SLC22A3: variants seen among roughly 807,000 people sequenced by gnomAD.
The protein encoded by SLC22A3 is EMT organic cation transporter 3.
Under a neutral mutation model 59.1 loss-of-function variants are expected in SLC22A3, and 51 were observed. That is an observed-to-expected ratio of 0.86 (90% CI 0.69 to 1.09). The LOEUF (loss-of-function observed/expected upper bound fraction) is 1.09, where lower values mean the gene tolerates loss of function less well. Among genes scored for constraint, SLC22A3 ranks in the 50% least tolerant of loss-of-function variants. SLC22A3 has a pLI of 0.00. For synonymous variants in SLC22A3, 325 were observed against 292.0 expected (o/e 1.11, Z -1.15); for missense variants, 711 against 726.3 (o/e 0.98, Z 0.24).
intron 10 of SLC22A3, among the ~76,000 whole-genome samples, chr6:160,450,214 A>C (rs977914752): frequency 1.3e-5 from 2 of 152,210 alleles, no homozygotes; most frequent in African/African-American, 4.8e-5. Context: ...AGACTCTCCC[A>C]GTGCGACTGT....
rs1787423305 is a variant in SLC22A3, at chr6:160,415,075, A to C, written c.975+4229A>C. On this transcript the variant is annotated intron_variant, in intron 5 of 10. Transcript: ENST00000275300. The surrounding 1 kb of genome is among the most constrained non-coding windows in gnomAD (Gnocchi z 4.1). Reference sequence around the variant, plus strand: ...CTCCAAGGGAGCTTTGGTTTTTGAAACATATGTCTTCAAACCGAACCTACC... The same window carrying C: ...CTCCAAGGGAGCTTTGGTTTTTGAACCATATGTCTTCAAACCGAACCTACC... 6.6e-6 allele frequency among the ~76,000 whole-genome samples: 1 copy of C among 152,204 alleles called. No homozygotes were observed. The highest frequency in any genetic ancestry group is 1.5e-5 in the Non-Finnish European group (1 of 68,034).
At chr6:160,393,168 G>A (rs1047510426) in intron 1 of SLC22A3, among the ~76,000 whole-genome samples, 1 of 152,010 alleles carries the variant, frequency 6.6e-6, no homozygotes, top group Middle Eastern at 3.4e-3. Flanking sequence ...TGTTCAAGAG[G>A]GCTAACCTAG....
At position 160,451,059 on chromosome 6, in the gene SLC22A3, C is replaced by A; in HGVS notation, c.*3C>A. 1 of 1,589,188 alleles carries A rather than the reference C, an allele frequency of 6.3e-7. No individual in the cohort carries two copies. The highest frequency in any genetic ancestry group is 1.3e-5 in the African/African-American group (1 of 74,236). ...CAGTTTCCCGCTCTCACCTTTGAGG[C>A]CCCCGACAAAGACAGAAAGAAGGAG... On this transcript the variant is annotated 3_prime_UTR_variant, in exon 11 of 11. Transcript: ENST00000275300.
rs189054740 is a variant in SLC22A3, at chr6:160,447,605, G to A, written c.1511-114G>A. 1.4e-4 allele frequency: 114 copies of A among 839,956 alleles called. 1 individual carries two copies. In the East Asian group the frequency reaches 1.8e-3, roughly 14 times the overall value. 52.0% of individuals were successfully genotyped at this position (839,956 alleles called of 1,614,324 possible). A position where few individuals can be genotyped will look rare whatever the true frequency, so the allele number is the denominator to read the frequency against. On this transcript the variant is annotated intron_variant, in intron 9 of 10. Coordinates refer to ENST00000275300, the MANE Select transcript of SLC22A3 (RefSeq NM_021977.4). ...ATTGATCTGGGATGCAGAGGTTGCT[G>A]TGGTTGAGAGCTACTCCAGTGAGCA...
intron 1 of SLC22A3, among the ~76,000 whole-genome samples, chr6:160,354,659 A>G (rs897127838): frequency 2.0e-5 from 3 of 152,240 alleles, no homozygotes; most frequent in Non-Finnish European, 2.9e-5. Flanking sequence ...AAAATTTTTA[A>G]AAAATTGGCC....
At chr6:160,406,201 A>T (rs759382655) in intron 2 of SLC22A3, among the ~76,000 whole-genome samples, 22 of 152,140 alleles carry the variant, frequency 1.4e-4, no homozygotes, top group Non-Finnish European at 2.2e-4. Flanking sequence ...ACTAAAAAAA[A>T]TTTTAGATAA....
At chr6:160,367,328 G>A (rs1785240850) in intron 1 of SLC22A3, among the ~76,000 whole-genome samples, 2 of 152,164 alleles carry the variant, frequency 1.3e-5, no homozygotes, top group South Asian at 2.1e-4. Flanking sequence ...GAGAAGAGCA[G>A]CATGGAGGTA....
At chr6:160,447,676 CTG>C in intron 9 of SLC22A3, 41 bp from the exon 10 acceptor site, 2 of 1,552,418 alleles carry the variant, frequency 1.3e-6, no homozygotes, top group Non-Finnish European at 1.8e-6. Flanking sequence ...GAGGGCCCAG[CTG>C]TGTCTTCCTG....
rs760498690 is a variant in SLC22A3, at chr6:160,348,737, C to G, written c.318C>G (p.Ser106Arg). Residue 106 changes from serine (S) to arginine (R), a missense_variant, in exon 1 of 11, where the codon AGC (serine) becomes AGG (arginine). Physicochemically the swap from Ser to Arg is moderately radical, Grantham distance 110. Coordinates refer to ENST00000275300, the MANE Select transcript of SLC22A3 (RefSeq NM_021977.4). ...EAANDSASAT[S>R]ALSCADPLAA... is the part of the protein sequence containing the mutation. ...CCAACGACAGCGCCTCCGCCACTAG[C>G]GCTCTCAGCTGCGCGGACCCACTCG... 6.5e-7 allele frequency: 1 copy of G among 1,532,280 alleles called. No individual in the cohort carries two copies. Among genetic ancestry groups the G allele is most frequent in the South Asian group, 1.2e-5 (1 of 83,730 alleles). 94.9% of individuals were successfully genotyped at this position (1,532,280 alleles called of 1,614,324 possible). A position where few individuals can be genotyped will look rare whatever the true frequency, so the allele number is the denominator to read the frequency against.
intron 8 of SLC22A3, 21 bp downstream of exon 8, chr6:160,442,890 A>C: frequency 6.4e-7 from 1 of 1,560,674 alleles, no homozygotes; most frequent in Non-Finnish European, 8.8e-7. Flanking sequence ...CAAACGTTAT[A>C]GTTTCTCCTA....
chr6:160,384,396 C>A (rs954351761), intron 1 of SLC22A3, among the ~76,000 whole-genome samples: 1 of 152,170 alleles, frequency 6.6e-6, no homozygotes, highest in African/African-American at 2.4e-5. Flanking sequence ...TTAATTTTTA[C>A]TCAGAATGTG....
chr6:160,366,023 G>A (rs566036393), intron 1 of SLC22A3, among the ~76,000 whole-genome samples: 1 of 152,280 alleles, frequency 6.6e-6, no homozygotes, highest in Non-Finnish European at 1.5e-5. Flanking sequence ...GTTCCCCCAT[G>A]ACACATGGGG....
chr6:160,399,841 A>G (rs757131398), intron 2 of SLC22A3, among the ~76,000 whole-genome samples: 4 of 152,180 alleles, frequency 2.6e-5, no homozygotes, highest in Non-Finnish European at 5.9e-5. Context: ...TCTCAGATCC[A>G]TAAGAGAAGT....
At chr6:160,356,292 G>A (rs183115923) in intron 1 of SLC22A3, among the ~76,000 whole-genome samples, 1 of 152,326 alleles carries the variant, frequency 6.6e-6, no homozygotes, top group Non-Finnish European at 1.5e-5. Flanking sequence ...TCTGGAGCAG[G>A]AGGAAAACAG....
rs572100387 is a variant in SLC22A3 at position 160,442,676 on chromosome 6, C to T, written c.1289-85C>T. The stretch of plus-strand genomic sequence containing the variant: ...GGCAAAGACTTCAGACTGGAGGCCA[C>T]TAAGCAAATACTTTTTGTTGTTCTG... On this transcript the variant is annotated intron_variant, in intron 7 of 10. Coordinates refer to ENST00000275300, the MANE Select transcript of SLC22A3 (RefSeq NM_021977.4). The T allele has an allele frequency of 2.0e-5, 20 of 1,021,468 alleles. No individual in the cohort carries two copies. In the East Asian group the frequency reaches 4.7e-4, roughly 24 times the overall value. The allele number at this position is 1,021,468 out of a possible 1,614,324, so 63.3% of individuals were successfully genotyped here.
intron 1 of SLC22A3, among the ~76,000 whole-genome samples, chr6:160,395,774 T>C (rs1786446410): frequency 6.6e-6 from 1 of 152,206 alleles, no homozygotes; most frequent in African/African-American, 2.4e-5. Flanking sequence ...TACTACTGCC[T>C]CCAAATTTTT....
Position 160,437,030 on chromosome 6 carries a change from C to T in SLC22A3, c.1107C>T (p.Val369=). The part of the protein sequence containing the change: ...FTSAVVYQGL[V]MRLGIIGGNL... Reference sequence around the variant, plus strand: ...GCGCAGTGGTGTATCAAGGACTTGTCATGCGCCTGGGAATTATAGGGGGCA... The same window carrying T: ...GCGCAGTGGTGTATCAAGGACTTGTTATGCGCCTGGGAATTATAGGGGGCA... The change falls in exon 7 of 11, where the codon GTC becomes GTT. Residue 369 remains valine (V), a synonymous_variant. Coordinates refer to ENST00000275300, the MANE Select transcript of SLC22A3 (RefSeq NM_021977.4). 6.2e-7 allele frequency: 1 copy of T among 1,614,120 alleles called. No individual in the cohort carries two copies. The highest frequency in any genetic ancestry group is 8.5e-7 in the Non-Finnish European group (1 of 1,180,010).
chr6:160,381,461 G>A (rs1459849807), intron 1 of SLC22A3, among the ~76,000 whole-genome samples: 1 of 152,180 alleles, frequency 6.6e-6, no homozygotes, highest in Non-Finnish European at 1.5e-5. Flanking sequence ...GGAAAAGTGT[G>A]AGTTGGACAC....
rs998312904 is a variant in SLC22A3 at position 160,361,093 on chromosome 6, C to T, written c.429+12245C>T. On this transcript the variant is annotated intron_variant, in intron 1 of 10. Coordinates refer to ENST00000275300, the MANE Select transcript of SLC22A3 (RefSeq NM_021977.4). Reference sequence around the variant, plus strand: ...GTGAAAAGATCAGAGCACTTGGAGACTGACTCCACCCAGGGGAACATCATA... The same window carrying T: ...GTGAAAAGATCAGAGCACTTGGAGATTGACTCCACCCAGGGGAACATCATA... Among the ~76,000 whole-genome samples the T allele has an allele frequency of 2.6e-5, 4 of 152,320 alleles. No homozygotes were observed. In the South Asian group the frequency reaches 8.3e-4, roughly 32 times the overall value.
Sources: gnomAD v4.1 joint callset for allele counts (sites outside exome capture counted in the v4.1 genomes callset) on GRCh38, gnomAD v4.1.1 for gene constraint, Gnocchi (gnomAD v3.1) non-coding constraint, MANE v1.5 for transcripts, NCBI Gene and HGNC (gene_info 2026-07-23, HGNC 2026-07-21) for gene names.